Variants in ABCB1 observed in about 807,000 individuals in gnomAD.
ABCB1 encodes the protein ATP binding cassette subfamily B member 1, also known as ATP-dependent translocase ABCB1.
ABCB1 carries 69 observed loss-of-function variants against 142.0 expected under a neutral mutation model. The ratio of observed to expected loss-of-function variants is 0.49; its 90% CI spans 0.40 to 0.59. The LOEUF (loss-of-function observed/expected upper bound fraction) is 0.59, where lower values mean the gene tolerates loss of function less well. Among genes scored for constraint, ABCB1 ranks in the 20% least tolerant of loss-of-function variants. ABCB1 has a pLI of 0.00. For missense variants in ABCB1, 1,326 were observed against 1,554.7 expected, an observed-to-expected ratio of 0.85 and a Z score of 2.47; for synonymous variants, 532 against 539.2, an observed-to-expected ratio of 0.99 and a Z score of 0.18.
At chr7:87,612,559 T>C (rs1000432094) in intron 1 of ABCB1, among the ~76,000 whole-genome samples, 1 of 152,184 alleles carries the variant, frequency 6.6e-6, no homozygotes, top group Non-Finnish European at 1.5e-5. Context: ...TTGTCAAAGA[T>C]CAGTTGGCTG....
At chr7:87,688,830 G>C (rs1413770016) in intron 1 of ABCB1, among the ~76,000 whole-genome samples, 3 of 151,708 alleles carry the variant, frequency 2.0e-5, no homozygotes, top group Non-Finnish European at 4.4e-5. Context: ...GTTTGTTATA[G>C]GTATTTCTGG....
intron 1 of ABCB1, among the ~76,000 whole-genome samples, chr7:87,679,997 G>T (rs929053150): frequency 6.7e-6 from 1 of 150,346 alleles, no homozygotes; most frequent in East Asian, 2.0e-4. Context: ...ACCTACATTA[G>T]GTATTTCTCC....
intron 7 of ABCB1, among the ~76,000 whole-genome samples, chr7:87,565,031 C>G (rs1817730941): frequency 6.6e-6 from 1 of 152,162 alleles, no homozygotes; most frequent in Non-Finnish European, 1.5e-5. Context: ...AAAAAATTAA[C>G]AGAGACCTGA....
Position 87,503,159 on chromosome 7 carries a change from C to T in ABCB1, c.*1084G>A, listed in dbSNP as rs1814563828. Among the ~76,000 whole-genome samples, 1 of 151,514 alleles carries T rather than the reference C, an allele frequency of 6.6e-6. No homozygotes were observed. Among genetic ancestry groups the T allele is most frequent in the African/African-American group, 2.4e-5 (1 of 41,268 alleles). ...TTCTTTGAGAATTACCTGATTATAT[C>T]CTTTCCTATTTTTTTTTCCTGGAGG... On this transcript the variant is annotated 3_prime_UTR_variant, in exon 28 of 28. Coordinates refer to ENST00000622132, the MANE Select transcript of ABCB1 (RefSeq NM_001348946.2).
chr7:87,541,547 TA>T (rs1335067095), intron 17 of ABCB1, 83 bp from the exon 18 acceptor site: 139 of 960,388 alleles, frequency 1.4e-4, no homozygotes, highest in Non-Finnish European at 2.3e-4. Flanking sequence ...TCTGGCCCAG[TA>T]TTCAGGGGTC....
intron 1 of ABCB1, chr7:87,650,973 G>T: frequency 8.2e-7 from 1 of 1,223,878 alleles, no homozygotes; most frequent in African/African-American, 1.5e-5. Context: ...TTTCCCACCA[G>T]CTGTCTTTAT....
chr7:87,694,370 A>C, intron 1 of ABCB1, among the ~76,000 whole-genome samples: 1 of 152,138 alleles, frequency 6.6e-6, no homozygotes, highest in Non-Finnish European at 1.5e-5. Flanking sequence ...GGTAGAATGC[A>C]TGCCTTTATT....
chr7:87,619,332 A>T (rs529914260), intron 1 of ABCB1, among the ~76,000 whole-genome samples: 43 of 152,274 alleles, frequency 2.8e-4, no homozygotes, highest in Admixed American at 2.7e-3. Context: ...TGAGGTCATG[A>T]GTTTGAGACC....
intron 1 of ABCB1, among the ~76,000 whole-genome samples, chr7:87,695,115 A>C (rs879164701): frequency 3.9e-5 from 6 of 152,144 alleles, no homozygotes; most frequent in Admixed American, 1.3e-4. Flanking sequence ...TCTAATGTAG[A>C]TTCTGACTTC....
At chr7:87,709,107 A>G (rs1034409462) in intron 1 of ABCB1, 45 of 257,604 alleles carry the variant, frequency 1.7e-4, no homozygotes, top group Middle Eastern at 2.0e-3. Context: ...AATTAGCACA[A>G]CTTATCCTTA....
At chr7:87,584,544 G>C (rs935794792) in intron 4 of ABCB1, among the ~76,000 whole-genome samples, 1 of 152,152 alleles carries the variant, frequency 6.6e-6, no homozygotes, top group South Asian at 2.1e-4. Context: ...TCGAGAAAGA[G>C]AGAGAGAGAG....
intron 1 of ABCB1, among the ~76,000 whole-genome samples, chr7:87,678,479 A>G (rs1332646410): frequency 6.6e-6 from 1 of 152,232 alleles, no homozygotes; most frequent in East Asian, 1.9e-4. Context: ...TTTAGCCAAA[A>G]AAGCCAATAA....
chr7:87,627,784 G>C (rs1820756138), intron 1 of ABCB1: 1 of 152,304 alleles, frequency 6.6e-6, no homozygotes, highest in Non-Finnish European at 1.5e-5. Flanking sequence ...GACGCGAAAA[G>C]ACTCTACACT....
At chr7:87,564,408 C>A (rs896568173) in intron 7 of ABCB1, among the ~76,000 whole-genome samples, 1 of 152,056 alleles carries the variant, frequency 6.6e-6, no homozygotes. Context: ...GATCAGACTG[C>A]CAGGTCGGGA....
intron 1 of ABCB1, among the ~76,000 whole-genome samples, chr7:87,669,633 C>T (rs1276236933): frequency 6.6e-6 from 1 of 152,136 alleles, no homozygotes; most frequent in Non-Finnish European, 1.5e-5. Flanking sequence ...CTATATAGTG[C>T]TCCTTTCAAA....
At chr7:87,607,641 T>C (rs1006648982) in intron 1 of ABCB1, among the ~76,000 whole-genome samples, 1 of 152,080 alleles carries the variant, frequency 6.6e-6, no homozygotes, top group African/African-American at 2.4e-5. Context: ...AGCCTCAACC[T>C]CCTGCATTCA....
At chr7:87,644,929 A>G (rs1016389056) in intron 1 of ABCB1, among the ~76,000 whole-genome samples, 1 of 152,036 alleles carries the variant, frequency 6.6e-6, no homozygotes, top group Non-Finnish European at 1.5e-5. Context: ...AAATCTATGA[A>G]CTATGGAAGG....
At chr7:87,556,402 C>T (rs1194532407) in intron 8 of ABCB1, among the ~76,000 whole-genome samples, 2 of 152,136 alleles carry the variant, frequency 1.3e-5, no homozygotes, top group African/African-American at 4.8e-5. Flanking sequence ...TTTATTTTAA[C>T]TTCTGGTTAA....
intron 9 of ABCB1, among the ~76,000 whole-genome samples, chr7:87,551,715 T>C (rs1435864803): frequency 6.6e-6 from 1 of 152,226 alleles, no homozygotes; most frequent in Non-Finnish European, 1.5e-5. Flanking sequence ...TAAAAATATT[T>C]TGGAAATATA....
Sources: gnomAD v4.1 joint callset for allele counts (sites outside exome capture counted in the v4.1 genomes callset) on GRCh38, gnomAD v4.1.1 for gene constraint, MANE v1.5 for transcripts, NCBI Gene and HGNC (gene_info 2026-07-23, HGNC 2026-07-21) for gene names.